Variants in GRIK4 observed in about 807,000 individuals in gnomAD.
GRIK4 encodes the protein glutamate receptor ionotropic, kainate 4.
GRIK4 carries 40 observed loss-of-function variants against 104.9 expected under a neutral mutation model. That is an observed-to-expected ratio of 0.38 (90% CI 0.30 to 0.50). GRIK4 has a LOEUF of 0.50. Ranked by LOEUF, GRIK4 falls within the 20% of genes least tolerant of loss-of-function variation. The probability of loss-of-function intolerance (pLI) is 0.93; values close to 1 mark genes in which losing one functional copy is unlikely to be tolerated. For synonymous variants in GRIK4, 485 were observed against 524.9 expected (o/e 0.92, Z 1.04); for missense variants, 1,047 against 1,308.1 (o/e 0.80, Z 3.08).
At chr11:120,857,387 CAG>C (rs530917473) in intron 8 of GRIK4, among the ~76,000 whole-genome samples, 10 of 152,310 alleles carry the variant, frequency 6.6e-5, no homozygotes, top group African/African-American at 2.4e-4. Flanking sequence ...TCCTTCATCT[CAG>C]GGTAACATCT....
chr11:120,773,726 T>A (rs563164662), intron 3 of GRIK4, among the ~76,000 whole-genome samples: 1 of 152,320 alleles, frequency 6.6e-6, no homozygotes, highest in African/African-American at 2.4e-5. Context: ...GACTCATAGG[T>A]AGAGGGGATA....
chr11:120,918,386 T>C (rs1429395170), intron 13 of GRIK4, among the ~76,000 whole-genome samples: 1 of 152,248 alleles, frequency 6.6e-6, no homozygotes, highest in Non-Finnish European at 1.5e-5. Flanking sequence ...GATGCATTGA[T>C]TCCATATTGG....
chr11:120,962,281 A>G (rs1283963743), intron 17 of GRIK4, among the ~76,000 whole-genome samples, 175 bp from the exon 18 acceptor site: 1 of 152,202 alleles, frequency 6.6e-6, no homozygotes, highest in Non-Finnish European at 1.5e-5. Context: ...GCCATTACAC[A>G]GTGACAGTGA....
In GRIK4 at chr11:120,849,474, C is replaced by T. The variant is rs114025474; in HGVS notation, c.745-12485C>T. Reference sequence around the variant, plus strand: ...TGATCCAACAATTTCCAATTATTCACAATCAAGAGAGTCTAATAATAAAAA... The same window carrying T: ...TGATCCAACAATTTCCAATTATTCATAATCAAGAGAGTCTAATAATAAAAA... On this transcript the variant is annotated intron_variant, in intron 8 of 20. Coordinates refer to ENST00000527524, the MANE Select transcript of GRIK4 (RefSeq NM_014619.5). Among the ~76,000 whole-genome samples the T allele has an allele frequency of 4.8e-3, 734 of 152,336 alleles. 6 individuals are homozygous for T. The highest frequency in any genetic ancestry group is 0.017 in the African/African-American group (708 of 41,572).
At chr11:120,557,798 C>T (rs1370758064) in intron 1 of GRIK4, among the ~76,000 whole-genome samples, 6 of 151,728 alleles carry the variant, frequency 4.0e-5, no homozygotes, top group East Asian at 2.0e-4. Context: ...AGGCGGATCA[C>T]GAGGTCAGGA....
At chr11:120,575,022 T>C (rs1371677160) in intron 1 of GRIK4, among the ~76,000 whole-genome samples, 4 of 152,230 alleles carry the variant, frequency 2.6e-5, no homozygotes, top group Non-Finnish European at 5.9e-5. Context: ...AGCTGTGTCA[T>C]GCTTTGAGAA....
At position 120,898,419 on chromosome 11, in the gene GRIK4, C is replaced by T. The variant is rs529426356; in HGVS notation, c.1165-113C>T. Reference sequence around the variant, plus strand: ...CAGTTCAGCCCCCGGCTCCGTACTCCACACCCCTCCCTGCTCACATGCAGC... The same window carrying T: ...CAGTTCAGCCCCCGGCTCCGTACTCTACACCCCTCCCTGCTCACATGCAGC... On this transcript the variant is annotated intron_variant, in intron 11 of 20. Coordinates refer to ENST00000527524, the MANE Select transcript of GRIK4 (RefSeq NM_014619.5). The T allele has an allele frequency of 2.2e-5, 15 of 681,770 alleles. No homozygotes were observed. In the South Asian group the frequency reaches 2.4e-4, roughly 11 times the overall value. The allele number at this position is 681,770 out of a possible 1,614,324, so 42.2% of individuals were successfully genotyped here.
chr11:120,984,509 C>T (rs1300472099), intron 20 of GRIK4, among the ~76,000 whole-genome samples: 2 of 151,980 alleles, frequency 1.3e-5, no homozygotes, highest in Non-Finnish European at 2.9e-5. Flanking sequence ...TGGCTCACGC[C>T]TGTAATCCTA....
At chr11:120,923,927 G>T (rs1943282164) in intron 13 of GRIK4, among the ~76,000 whole-genome samples, 1 of 152,150 alleles carries the variant, frequency 6.6e-6, no homozygotes, top group Non-Finnish European at 1.5e-5. Context: ...CACTGTCAGG[G>T]CATCACTGTT....
At chr11:120,573,794 C>G (rs999729574) in intron 1 of GRIK4, among the ~76,000 whole-genome samples, 1 of 152,202 alleles carries the variant, frequency 6.6e-6, no homozygotes. Context: ...GGATTTGGGG[C>G]TCAGGGACCC....
intron 1 of GRIK4, among the ~76,000 whole-genome samples, chr11:120,615,281 C>T (rs756014435): frequency 1.5e-4 from 23 of 152,234 alleles, no homozygotes; most frequent in Non-Finnish European, 2.8e-4. Context: ...CGCTCACCAT[C>T]TGAGAGCTTG....
intron 3 of GRIK4, among the ~76,000 whole-genome samples, chr11:120,738,095 A>T (rs1591849985): frequency 6.6e-6 from 1 of 152,034 alleles, no homozygotes; most frequent in Admixed American, 6.6e-5. Context: ...GGAGATTGAG[A>T]GGGAGCCGCC....
chr11:120,808,147 A>G (rs1030778076), intron 4 of GRIK4, among the ~76,000 whole-genome samples: 5 of 152,232 alleles, frequency 3.3e-5, no homozygotes, highest in African/African-American at 9.6e-5. Flanking sequence ...TGGCTGAAAC[A>G]GAGTGTACAT....
chr11:120,677,223 G>A (rs530884181), intron 3 of GRIK4, among the ~76,000 whole-genome samples: 1 of 152,282 alleles, frequency 6.6e-6, no homozygotes, highest in African/African-American at 2.4e-5. Context: ...AACATGTCAG[G>A]GCACTAAAGG....
intron 3 of GRIK4, among the ~76,000 whole-genome samples, chr11:120,758,764 T>C (rs1479933415): frequency 6.6e-6 from 1 of 152,148 alleles, no homozygotes; most frequent in African/African-American, 2.4e-5. Context: ...TGTTAATTGG[T>C]CTATAGTGGG....
intron 10 of GRIK4, 36 bp downstream of exon 10, chr11:120,874,254 A>G (rs1194249194): frequency 1.0e-5 from 16 of 1,567,382 alleles, no homozygotes; most frequent in Non-Finnish European, 1.3e-5. Flanking sequence ...GGCTGTGCCC[A>G]GGCTAGTGGG....
chr11:120,843,967 C>A (rs949101824), intron 8 of GRIK4, among the ~76,000 whole-genome samples: 1 of 152,156 alleles, frequency 6.6e-6, no homozygotes, highest in Non-Finnish European at 1.5e-5. Context: ...AATAACCCCT[C>A]CATGCCCCAG....
At chr11:120,955,888 A>G (rs1565461084) in intron 15 of GRIK4, among the ~76,000 whole-genome samples, 1 of 151,726 alleles carries the variant, frequency 6.6e-6, no homozygotes, top group Non-Finnish European at 1.5e-5. Flanking sequence ...CATCGAGGCC[A>G]GTGGCTCTCA....
chr11:120,688,379 C>A (rs1199241712), intron 3 of GRIK4, among the ~76,000 whole-genome samples: 4 of 152,220 alleles, frequency 2.6e-5, no homozygotes, highest in Non-Finnish European at 1.5e-5. Context: ...ATTACAAGAG[C>A]AGCTCTTAGC....
Sources: allele counts gnomAD v4.1 joint callset (sites outside exome capture counted in the v4.1 genomes callset), GRCh38; gene constraint gnomAD v4.1.1; transcripts MANE v1.5; gene names NCBI Gene and HGNC (gene_info 2026-07-23, HGNC 2026-07-21).